BPHL: variants seen among roughly 807,000 people sequenced by gnomAD.
BPHL encodes biphenyl hydrolase like.
Under a neutral mutation model 31.2 loss-of-function variants are expected in BPHL, and 27 were observed. The ratio of observed to expected loss-of-function variants is 0.87; its 90% confidence interval spans 0.64 to 1.19. BPHL has a LOEUF of 1.19. BPHL is among the 50% of genes most tolerant of loss of function. The probability of loss-of-function intolerance (pLI) is 0.00; values close to 1 mark genes in which losing one functional copy is unlikely to be tolerated. For missense variants in BPHL, 356 were observed against 375.7 expected, an observed-to-expected ratio of 0.95 and a Z score of 0.43; for synonymous variants, 150 against 146.8, an observed-to-expected ratio of 1.02 and a Z score of -0.16.
At chr6:3,147,866 C>A (rs1762424532) in intron 6 of BPHL, among the ~76,000 whole-genome samples, 1 of 152,138 alleles carries the variant, frequency 6.6e-6, no homozygotes, top group Non-Finnish European at 1.5e-5. Context: ...CCAGGAAGAG[C>A]CAATGTTTCA....
intron 6 of BPHL, among the ~76,000 whole-genome samples, chr6:3,150,459 A>G (rs1041623346): frequency 2.0e-5 from 3 of 152,232 alleles, no homozygotes; most frequent in Non-Finnish European, 2.9e-5. Flanking sequence ...TCCTTGGACT[A>G]TCTGGAACCA....
Position 3,129,199 on chromosome 6 carries a change from G to A in BPHL, c.532+1G>A, listed in dbSNP as rs768086969. 34 of 1,562,672 alleles carry A rather than the reference G, an allele frequency of 2.2e-5. No individual in the cohort carries two copies. Among genetic ancestry groups the A allele is most frequent in the Non-Finnish European group, 2.9e-5 (33 of 1,155,644 alleles). Reference sequence around the variant, plus strand: ...GACGAAGACAGCATGATATATGAGGGTAGGTTCTGCGAAGGGGAGATGCCG... The same window carrying A: ...GACGAAGACAGCATGATATATGAGGATAGGTTCTGCGAAGGGGAGATGCCG... On this transcript the variant is annotated splice_donor_variant, in intron 4 of 6. Coordinates refer to ENST00000380379, the MANE Select transcript of BPHL (RefSeq NM_004332.4). LOFTEE classifies it high-confidence loss of function.
intron 4 of BPHL, among the ~76,000 whole-genome samples, chr6:3,136,542 C>T (rs577336801): frequency 1.1e-4 from 16 of 152,332 alleles, no homozygotes; most frequent in African/African-American, 3.6e-4. Flanking sequence ...GATTTGAATT[C>T]ACTAAGCACA....
intron 6 of BPHL, among the ~76,000 whole-genome samples, chr6:3,146,309 G>A (rs1349136612): frequency 8.4e-5 from 5 of 59,668 alleles, no homozygotes; most frequent in Non-Finnish European, 1.1e-4. Flanking sequence ...GGTTCGGGTT[G>A]GAGTGCTGGT....
Position 3,152,499 on chromosome 6 carries a change from T to G in BPHL, c.800T>G (p.Met267Arg). The change falls in exon 7 of 7, where the codon ATG becomes AGG. Residue 267 changes from methionine (M) to arginine (R), a missense_variant. Physicochemically the swap from Met to Arg is moderately conservative, Grantham distance 91. Coordinates refer to ENST00000380379, the MANE Select transcript of BPHL (RefSeq NM_004332.4). The part of the protein sequence containing the change: ...KHVKGSRLHL[M>R]PEGKHNLHLR... ...AATTCCTTTTTTAGGCTGCATTTGATGCCAGAAGGCAAACACAACCTGCAT... is the reference window on the plus strand; with the variant it reads ...AATTCCTTTTTTAGGCTGCATTTGAGGCCAGAAGGCAAACACAACCTGCAT... 6.2e-7 allele frequency: 1 copy of G among 1,613,452 alleles called. No individual in the cohort carries two copies. The highest frequency in any genetic ancestry group is 8.5e-7 in the Non-Finnish European group (1 of 1,179,722).
At chr6:3,146,757 G>C (rs1196912337) in intron 6 of BPHL, among the ~76,000 whole-genome samples, 1 of 148,802 alleles carries the variant, frequency 6.7e-6, no homozygotes, top group East Asian at 2.0e-4. Flanking sequence ...TGCTGGTTTG[G>C]GTCAGAGTGC....
intron 5 of BPHL, chr6:3,138,244 T>G (rs1179080422): frequency 7.4e-6 from 2 of 270,526 alleles, no homozygotes; most frequent in Non-Finnish European, 1.5e-5. Context: ...GGCCTTGATC[T>G]CCTGACCTCG....
chr6:3,144,129 G>A (rs1037561066), intron 6 of BPHL, among the ~76,000 whole-genome samples: 6 of 152,126 alleles, frequency 3.9e-5, no homozygotes, highest in East Asian at 1.9e-4. Context: ...GTGCAGTGGC[G>A]CGATCTTGGC....
Position 3,140,562 on chromosome 6 carries a change from G to C in BPHL, c.788+53G>C. ...CCCCCGAGAGCCTCGGAGTCAATGG[G>C]CAAAGCTACTGGAAGGAAAATAACC... is the stretch of plus-strand genomic sequence containing the variant. On this transcript the variant is annotated intron_variant, in intron 6 of 6. Coordinates refer to ENST00000380379, the MANE Select transcript of BPHL (RefSeq NM_004332.4). The surrounding 1 kb of genome is among the most constrained non-coding windows in gnomAD (Gnocchi z 5.2). 2.5e-6 allele frequency: 4 copies of C among 1,605,178 alleles called. No homozygotes were observed. Among genetic ancestry groups the C allele is most frequent in the Non-Finnish European group, 3.4e-6 (4 of 1,177,494 alleles).
At chr6:3,132,058 A>T (rs542147526) in intron 4 of BPHL, among the ~76,000 whole-genome samples, 1 of 152,110 alleles carries the variant, frequency 6.6e-6, no homozygotes, top group Non-Finnish European at 1.5e-5. Context: ...GATGAAAGCA[A>T]GAGTCTCTCA....
In BPHL at chr6:3,140,638, T is replaced by G. The variant is rs1467382661; in HGVS notation, c.788+129T>G. On this transcript the variant is annotated intron_variant, in intron 6 of 6. Transcript: ENST00000380379. This position sits in a 1 kb window ranked among gnomAD's most constrained non-coding sequence, Gnocchi z 5.2. ...ACAGCCCCCCTTTTGCCAATGCCAG[T>G]CAGTAGCACCGCTTTATTTAGGGTA... The G allele has an allele frequency of 2.2e-6, 3 of 1,370,264 alleles. No homozygotes were observed. Among genetic ancestry groups the G allele is most frequent in the Middle Eastern group, 1.9e-4 (1 of 5,346 alleles). 84.9% of individuals were successfully genotyped at this position (1,370,264 alleles called of 1,614,324 possible).
Position 3,145,164 on chromosome 6 carries a change from A to AGGGTGGAGTGCTGGTTCG in BPHL, c.788+4694_788+4711dup, listed in dbSNP as rs1561799637. ...GCTGGTTTGGGTCGAGTGCTGGTTCAGGGTGGAGTGCTGGTTCGGGGTGGA... is the reference window on the plus strand; with the variant it reads ...GCTGGTTTGGGTCGAGTGCTGGTTCAGGGTGGAGTGCTGGTTCGGGGTGGAGTGCTGGTTCGGGGTGGA... On this transcript the variant is annotated intron_variant, in intron 6 of 6. Coordinates refer to ENST00000380379, the MANE Select transcript of BPHL (RefSeq NM_004332.4). Among the ~76,000 whole-genome samples the AGGGTGGAGTGCTGGTTCG allele has an allele frequency of 1.1e-3, 92 of 86,556 alleles. 4 individuals are homozygous for AGGGTGGAGTGCTGGTTCG. The highest frequency in any genetic ancestry group is 4.4e-3 in the African/African-American group (88 of 19,942). The allele number at this position is 86,556 out of a possible 152,430, so 56.8% of individuals were successfully genotyped here.
At chr6:3,147,169 G>A (rs1376196944) in intron 6 of BPHL, among the ~76,000 whole-genome samples, 2 of 152,106 alleles carry the variant, frequency 1.3e-5, no homozygotes, top group Non-Finnish European at 2.9e-5. Flanking sequence ...GCTGAGGTAG[G>A]AGAATCACCA....
chr6:3,144,386 T>G (rs1189675816), intron 6 of BPHL, among the ~76,000 whole-genome samples: 2 of 142,610 alleles, frequency 1.4e-5, no homozygotes, highest in Non-Finnish European at 3.1e-5. Context: ...TTTTTTTTTT[T>G]TTTTGTTTTT....
Position 3,140,552 on chromosome 6 carries a change from G to C in BPHL, c.788+43G>C. 1.2e-6 allele frequency: 2 copies of C among 1,608,692 alleles called. No homozygotes were observed. Among genetic ancestry groups the C allele is most frequent in the Non-Finnish European group, 1.7e-6 (2 of 1,178,860 alleles). On this transcript the variant is annotated intron_variant, in intron 6 of 6. Transcript: ENST00000380379. This position sits in a 1 kb window ranked among gnomAD's most constrained non-coding sequence, Gnocchi z 5.2. ...CTTCACACTCCCCCCGAGAGCCTCGGAGTCAATGGGCAAAGCTACTGGAAG... is the reference window on the plus strand; with the variant it reads ...CTTCACACTCCCCCCGAGAGCCTCGCAGTCAATGGGCAAAGCTACTGGAAG...
intron 6 of BPHL, among the ~76,000 whole-genome samples, chr6:3,144,586 C>G (rs189832256): frequency 6.6e-6 from 1 of 151,738 alleles, no homozygotes; most frequent in East Asian, 1.9e-4. Flanking sequence ...GAGAAAGGGC[C>G]TTGCCGTGTT....
upstream of BPHL, chr6:3,118,699 C>G (rs770681341): frequency 7.1e-5 from 88 of 1,241,310 alleles, no homozygotes; most frequent in Non-Finnish European, 8.8e-5. Flanking sequence ...CGCGCTTGGT[C>G]TTAGCGCATG....
intron 1 of BPHL, among the ~76,000 whole-genome samples, chr6:3,122,996 C>T (rs543156538): frequency 6.6e-6 from 1 of 152,238 alleles, no homozygotes; most frequent in African/African-American, 2.4e-5. Context: ...TGTCCACCCT[C>T]GTTTCACGCC....
intron 6 of BPHL, among the ~76,000 whole-genome samples, chr6:3,146,327 A>G (rs867423619): frequency 0.011 from 74 of 6,726 alleles, 6 homozygotes; most frequent in Non-Finnish European, 0.014. Context: ...GGTTCGGGTC[A>G]GAGTGCTGGT....
Sources: allele counts gnomAD v4.1 joint callset (sites outside exome capture counted in the v4.1 genomes callset), GRCh38; gene constraint gnomAD v4.1.1; non-coding constraint Gnocchi (gnomAD v3.1); transcripts MANE v1.5; gene names NCBI Gene and HGNC (gene_info 2026-07-23, HGNC 2026-07-21).